Variants in PHIP observed in about 807,000 individuals in gnomAD.
PHIP encodes PH-interacting protein.
PHIP carries 54 observed loss-of-function variants against 236.8 expected under a neutral mutation model. That is an observed-to-expected ratio of 0.23 (90% CI 0.18 to 0.29). The LOEUF is 0.29. Among genes scored for constraint, PHIP ranks in the 10% least tolerant of loss-of-function variants. The probability of loss-of-function intolerance (pLI) is 1.00; values close to 1 mark genes in which losing one functional copy is unlikely to be tolerated. For missense variants in PHIP, 1,370 were observed against 2,190.8 expected (o/e 0.63, Z 7.48); for synonymous variants, 756 against 718.9 (o/e 1.05, Z -0.83).
At chr6:79,007,884 C>A (rs1390743022) in intron 15 of PHIP, among the ~76,000 whole-genome samples, 1 of 151,928 alleles carries the variant, frequency 6.6e-6, no homozygotes, top group Non-Finnish European at 1.5e-5. Context: ...TAGATTAGAG[C>A]TTGCCAACCT....
At chr6:79,004,473 A>C (rs1770176721) in intron 15 of PHIP, 3 of 906,394 alleles carry the variant, frequency 3.3e-6, no homozygotes, top group Non-Finnish European at 4.0e-6. Flanking sequence ...CACCACTCTG[A>C]ATTTTTTGCT....
Position 78,963,110 on chromosome 6 carries a change from C to T in PHIP, c.3522G>A (p.Gln1174=). The change falls in exon 30 of 40, where the codon CAG becomes CAA. Residue 1174 remains glutamine (Q), a synonymous_variant. Transcript: ENST00000275034. ...ECERIVAGIN[Q]LMTLDIASAF... ...TGCTTTACTTACCTAGTGTCATCAA[C>T]TGGTTTATTCCTGCCACAATTCTTT... The T allele has an allele frequency of 1.3e-6, 2 of 1,597,982 alleles. No homozygotes were observed. Among genetic ancestry groups the T allele is most frequent in the Non-Finnish European group, 1.7e-6 (2 of 1,173,900 alleles).
chr6:79,071,521 T>G (rs1403583943), intron 4 of PHIP, among the ~76,000 whole-genome samples: 1 of 152,190 alleles, frequency 6.6e-6, no homozygotes, highest in East Asian at 1.9e-4. Context: ...TTGATTCCTA[T>G]AATAGCCTTT....
chr6:79,018,100 CAA>C (rs1490245789), intron 10 of PHIP, among the ~76,000 whole-genome samples: 2 of 151,866 alleles, frequency 1.3e-5, no homozygotes, highest in African/African-American at 4.8e-5. Flanking sequence ...GCAGTGTACT[CAA>C]GAGTAACACT....
At chr6:78,998,923 T>C (rs1022738161) in intron 17 of PHIP, among the ~76,000 whole-genome samples, 4 of 152,120 alleles carry the variant, frequency 2.6e-5, no homozygotes, top group African/African-American at 9.7e-5. Flanking sequence ...AGATCCCTAC[T>C]CTTTAGGGAG....
chr6:78,955,114 T>G (rs1562122392), intron 34 of PHIP, 118 bp downstream of exon 34: 1 of 890,560 alleles, frequency 1.1e-6, no homozygotes, highest in Non-Finnish European at 1.7e-6. Flanking sequence ...ATTTTGTAAT[T>G]GAAACTAATT....
At chr6:79,032,526 ACTTT>A (rs1456384006) in intron 7 of PHIP, among the ~76,000 whole-genome samples, 13 of 152,290 alleles carry the variant, frequency 8.5e-5, no homozygotes, top group Non-Finnish European at 1.0e-4. Context: ...TCAAGAAACT[ACTTT>A]CTTTGCTCAT....
intron 7 of PHIP, among the ~76,000 whole-genome samples, chr6:79,031,935 C>T (rs1472702325): frequency 6.6e-6 from 1 of 152,208 alleles, no homozygotes; most frequent in Middle Eastern, 3.4e-3. Context: ...CAAATAAAAA[C>T]AAATATAGTC....
chr6:79,078,236 C>A lies in PHIP; in HGVS notation c.-168G>T. 1 of 630,322 alleles carries A rather than the reference C, an allele frequency of 1.6e-6. No homozygotes were observed. Among genetic ancestry groups the A allele is most frequent in the Non-Finnish European group, 2.8e-6 (1 of 363,236 alleles). 39.0% of individuals were successfully genotyped at this position (630,322 alleles called of 1,614,324 possible). A position where few individuals can be genotyped will look rare whatever the true frequency, so the allele number is the denominator to read the frequency against. On this transcript the variant is annotated 5_prime_UTR_variant, in exon 1 of 40. Transcript: ENST00000275034. ...GCGGAGGAGGAGGAGGAGGAAACAACAACTCTCAGGCAGCGACTACGGCCG... is the reference window on the plus strand; with the variant it reads ...GCGGAGGAGGAGGAGGAGGAAACAAAAACTCTCAGGCAGCGACTACGGCCG...
intron 16 of PHIP, 29 bp from the exon 17 acceptor site, chr6:79,002,153 G>A: frequency 6.8e-7 from 1 of 1,475,088 alleles, no homozygotes. Flanking sequence ...ATAAAAGACT[G>A]GAAAAATAAA....
rs1304336788 is a variant in PHIP, at chr6:78,961,718, T to C, written c.3628A>G (p.Lys1210Glu). 10 of 1,612,608 alleles carry C rather than the reference T, an allele frequency of 6.2e-6. No homozygotes were observed. The highest frequency in any genetic ancestry group is 8.5e-6 in the Non-Finnish European group (10 of 1,178,876). Reference protein sequence around the residue: ...VAYPTDLSTIKQRLENRFYRR... With the variant: ...VAYPTDLSTIEQRLENRFYRR... Reference sequence around the variant, plus strand: ...TAAAACCTGTTTTCCAGTCTTTGTTTAATTGTACTTAGATCCGTTGGATAT... The same window carrying C: ...TAAAACCTGTTTTCCAGTCTTTGTTCAATTGTACTTAGATCCGTTGGATAT... Residue 1210 changes from lysine (K) to glutamate (E), a missense_variant, in exon 31 of 40, where the codon AAA becomes GAA. This residue lies in a region of PHIP where 238 missense variants were observed against 398.5 expected (regional missense o/e 0.60). Coordinates refer to ENST00000275034, the MANE Select transcript of PHIP (RefSeq NM_017934.7).
At chr6:78,967,693 T>C (rs1035259558) in intron 27 of PHIP, among the ~76,000 whole-genome samples, 3 of 152,212 alleles carry the variant, frequency 2.0e-5, no homozygotes, top group African/African-American at 4.8e-5. Context: ...GAGAAAATTA[T>C]GATGCTCATT....
intron 24 of PHIP, among the ~76,000 whole-genome samples, chr6:78,971,617 C>T (rs539268890): frequency 2.6e-5 from 4 of 152,182 alleles, no homozygotes; most frequent in African/African-American, 7.2e-5. Flanking sequence ...TCTGAGGTAA[C>T]GGGTTCATCT....
At chr6:78,988,724 AC>A (rs1441798873) in intron 20 of PHIP, among the ~76,000 whole-genome samples, 1 of 151,000 alleles carries the variant, frequency 6.6e-6, no homozygotes, top group Non-Finnish European at 1.5e-5. Flanking sequence ...TTGATTAGTT[AC>A]AAAAATGCTG....
intron 35 of PHIP, 84 bp downstream of exon 35, chr6:78,954,730 A>T: frequency 1.2e-6 from 1 of 826,226 alleles, no homozygotes; most frequent in East Asian, 3.0e-5. Flanking sequence ...CTATAATCAT[A>T]AAAAGTAACT....
At chr6:79,077,674 AC>A in intron 3 of PHIP, 25 bp downstream of exon 3, 1 of 702,282 alleles carries the variant, frequency 1.4e-6, no homozygotes, top group Non-Finnish European at 1.7e-6. Context: ...CGGCGGCGGG[AC>A]GCGCCGGGCC....
In PHIP at chr6:78,988,428, T is replaced by C. The variant is rs1367005018; in HGVS notation, c.2320-79A>G. 4.5e-6 allele frequency: 5 copies of C among 1,118,496 alleles called. No individual in the cohort carries two copies. The Admixed American group carries it at 9.1e-5, about 20-fold the overall frequency. The allele number at this position is 1,118,496 out of a possible 1,614,324, so 69.3% of individuals were successfully genotyped here. On this transcript the variant is annotated intron_variant, in intron 20 of 39. Coordinates refer to ENST00000275034, the MANE Select transcript of PHIP (RefSeq NM_017934.7). ...TAGTTTAAAAGTTAAAATTTTTTAA[T>C]TAAAAAAATTCAAGCTGGGCATGGT...
Position 78,945,403 on chromosome 6 carries a change from T to C in PHIP, c.4725A>G (p.Ala1575=). Residue 1575 remains alanine (A), a synonymous_variant, in exon 39 of 40, where the codon GCA becomes GCG. Transcript: ENST00000275034. ...SFSHGTRNNS[A]KENMEKEKPV... ...GCTTTTCCTTTTCCATGTTTTCTTT[T>C]GCAGAATTATTCCTAGTGCCATGAC... The C allele has an allele frequency of 6.2e-7, 1 of 1,612,728 alleles. No homozygotes were observed. The highest frequency in any genetic ancestry group is 1.1e-5 in the South Asian group (1 of 91,060).
At chr6:79,061,842 G>A (rs185694500) in intron 4 of PHIP, among the ~76,000 whole-genome samples, 8 of 151,342 alleles carry the variant, frequency 5.3e-5, no homozygotes, top group Admixed American at 5.3e-4. Context: ...AGACTGATGT[G>A]GGGGGAGGTG....
Sources: allele counts gnomAD v4.1 joint callset (sites outside exome capture counted in the v4.1 genomes callset), GRCh38; gene constraint gnomAD v4.1.1; regional missense constraint gnomAD v4.1.1; transcripts MANE v1.5; gene names NCBI Gene and HGNC (gene_info 2026-07-23, HGNC 2026-07-21).